MAN2B1: variants seen among roughly 807,000 people sequenced by gnomAD.
MAN2B1 encodes the protein mannosidase alpha class 2B member 1.
Under a neutral mutation model 127.5 loss-of-function variants are expected in MAN2B1, and 99 were observed. That is an observed-to-expected ratio of 0.78 (90% confidence interval 0.66 to 0.92). The LOEUF (loss-of-function observed/expected upper bound fraction) is 0.92, where lower values mean the gene tolerates loss of function less well. Among genes scored for constraint, MAN2B1 ranks in the 40% least tolerant of loss-of-function variants. MAN2B1 has a pLI of 0.00. For synonymous variants in MAN2B1, 573 were observed against 568.8 expected, an observed-to-expected ratio of 1.01 and a Z score of -0.11; for missense variants, 1,304 against 1,384.8, an observed-to-expected ratio of 0.94 and a Z score of 0.93.
chr19:12,658,542 G>C, intron 7 of MAN2B1, 32 bp from the exon 8 acceptor site: 1 of 1,604,260 alleles, frequency 6.2e-7, no homozygotes, highest in South Asian at 1.1e-5. Context: ...TGAGCCCTCG[G>C]GAGTCCGCAC....
chr19:12,646,962 GGGGTGATGAACACCC>G, intron 23 of MAN2B1: 1 of 608,328 alleles, frequency 1.6e-6, no homozygotes, highest in Non-Finnish European at 2.9e-6. Flanking sequence ...TCTGACCCCA[GGGGTGATGAACACCC>G]TCCCAGAACT....
chr19:12,666,528 G>A lies in MAN2B1; in HGVS notation c.159+15C>T, dbSNP rs566176179. The A allele has an allele frequency of 1.1e-5, 18 of 1,575,286 alleles. No individual in the cohort carries two copies. In the African/African-American group the frequency reaches 1.6e-4, roughly 14 times the overall value. ...CTCTGCCTCCTGTACGTTTCAGCTC[G>A]GAGGCCCCACTCACCTCGTATCCCC... On this transcript the variant is annotated intron_variant, in intron 1 of 23. Coordinates refer to ENST00000456935, the MANE Select transcript of MAN2B1 (RefSeq NM_000528.4).
intron 4 of MAN2B1, among the ~76,000 whole-genome samples, chr19:12,664,443 G>A (rs2024178868): frequency 6.6e-6 from 1 of 152,190 alleles, no homozygotes; most frequent in Non-Finnish European, 1.5e-5. Flanking sequence ...GATGGGGTCT[G>A]AGCACAGGTA....
Position 12,658,239 on chromosome 19 carries a change from G to A in MAN2B1, c.1215C>T (p.Ser405=). The A allele has an allele frequency of 1.9e-6, 3 of 1,614,118 alleles. No homozygotes were observed. In the South Asian group the frequency reaches 3.3e-5, roughly 18 times the overall value. ...TCCTACCCACCTGCAGGAAGTTGTA[G>A]CTGAGGCGCTCGTAGCGTTTGAGGG... ...RPALKRYERL[S]YNFLQVCNQL... Residue 405 remains serine, a synonymous_variant, in exon 9 of 24, where the codon AGC becomes AGT. Coordinates refer to ENST00000456935, the MANE Select transcript of MAN2B1 (RefSeq NM_000528.4).
At chr19:12,648,856 G>A (rs866818207) in intron 20 of MAN2B1, among the ~76,000 whole-genome samples, 1 of 152,176 alleles carries the variant, frequency 6.6e-6, no homozygotes, top group Non-Finnish European at 1.5e-5. Context: ...TTAGCCGGGC[G>A]TGATGGTGTG....
chr19:12,665,695 C>A lies in MAN2B1; in HGVS notation c.262+8G>T. Reference sequence around the variant, plus strand: ...GATCCCAGGGACCAGTCCCCATCCTCTACTCACTTCCATAAAAGTACTGGT... The same window carrying A: ...GATCCCAGGGACCAGTCCCCATCCTATACTCACTTCCATAAAAGTACTGGT... On this transcript the variant is annotated splice_region_variant and intron_variant, in intron 2 of 23. Coordinates refer to ENST00000456935, the MANE Select transcript of MAN2B1 (RefSeq NM_000528.4). 6.2e-7 allele frequency: 1 copy of A among 1,613,198 alleles called. No homozygotes were observed. Among genetic ancestry groups the A allele is most frequent in the Non-Finnish European group, 8.5e-7 (1 of 1,179,112 alleles).
intron 13 of MAN2B1, chr19:12,656,229 C>A: frequency 2.3e-6 from 1 of 426,836 alleles, no homozygotes; most frequent in Non-Finnish European, 4.3e-6. Context: ...CCTGGGGAAG[C>A]GGGGTATTAA....
rs1184948246 is a variant in MAN2B1 at position 12,665,687 on chromosome 19, C to T, written c.262+16G>A. The T allele has an allele frequency of 6.2e-7, 1 of 1,611,770 alleles. No homozygotes were observed. The highest frequency in any genetic ancestry group is 8.5e-7 in the Non-Finnish European group (1 of 1,177,850). ...ACCATGGGGATCCCAGGGACCAGTC[C>T]CCATCCTCTACTCACTTCCATAAAA... On this transcript the variant is annotated intron_variant, in intron 2 of 23. Coordinates refer to ENST00000456935, the MANE Select transcript of MAN2B1 (RefSeq NM_000528.4).
At position 12,658,267 on chromosome 19, in the gene MAN2B1, G is replaced by A. The variant is rs770642566; in HGVS notation, c.1187C>T (p.Pro396Leu). 4.3e-6 allele frequency: 7 copies of A among 1,614,160 alleles called. No individual in the cohort carries two copies. Among genetic ancestry groups the A allele is most frequent in the East Asian group, 4.5e-5 (2 of 44,884 alleles). ...QFWTGYFSSR[P>L]ALKRYERLSY... Reference sequence around the variant, plus strand: ...GAGGCGCTCGTAGCGTTTGAGGGCCGGCCGACTGGAAAAGTAACCGGTCCA... The same window carrying A: ...GAGGCGCTCGTAGCGTTTGAGGGCCAGCCGACTGGAAAAGTAACCGGTCCA... The change falls in exon 9 of 24, where the codon CCG becomes CTG. Residue 396 changes from proline to leucine, a missense_variant. Transcript: ENST00000456935.
rs202245970 is a variant in MAN2B1, at chr19:12,665,357, C to T, written c.431G>A (p.Arg144His). 4.4e-6 allele frequency: 7 copies of T among 1,605,416 alleles called. No homozygotes were observed. Among genetic ancestry groups the T allele is most frequent in the South Asian group, 2.2e-5 (2 of 91,080 alleles). ...CTTCCTTGGGGTAGGCTCACCCTGG[C>T]GCACAAGGTCTCGCACGACTTCCTG... The part of the protein sequence containing the change: ...ATQEVVRDLV[R>H]QGRLEFANGG... Residue 144 changes from arginine (R) to histidine (H), a missense_variant, in exon 3 of 24, where the codon CGC becomes CAC. Physicochemically the swap from Arg to His is conservative, Grantham distance 29. Coordinates refer to ENST00000456935, the MANE Select transcript of MAN2B1 (RefSeq NM_000528.4).
chr19:12,649,338 T>TAC lies in MAN2B1; in HGVS notation c.2355+1_2355+2dup. The TAC allele has an allele frequency of 6.2e-7, 1 of 1,612,376 alleles. No individual in the cohort carries two copies. Among genetic ancestry groups the TAC allele is most frequent in the Non-Finnish European group, 8.5e-7 (1 of 1,178,646 alleles). Reference sequence around the variant, plus strand: ...GGGGAGGTGCAGGATGGGGGAGAGCTACCGTGATGTAAATCCGGGTGTTGA... The same window carrying TAC: ...GGGGAGGTGCAGGATGGGGGAGAGCTACACCGTGATGTAAATCCGGGTGTTGA... On this transcript the variant is annotated splice_region_variant and intron_variant, in intron 19 of 23. Transcript: ENST00000456935.
At chr19:12,664,047 C>T (rs117170806) in intron 4 of MAN2B1, among the ~76,000 whole-genome samples, 1 of 152,218 alleles carries the variant, frequency 6.6e-6, no homozygotes, top group Non-Finnish European at 1.5e-5. Flanking sequence ...CTGCACAACA[C>T]GGGCAGACTG....
At chr19:12,650,973 C>CTTTTT (rs60721799) in intron 16 of MAN2B1, among the ~76,000 whole-genome samples, 7 of 130,282 alleles carry the variant, frequency 5.4e-5, no homozygotes, top group African/African-American at 1.5e-4. Flanking sequence ...CACCCGGCCT[C>CTTTTT]TTTTTTTTTT....
chr19:12,656,898 C>A, intron 12 of MAN2B1, 51 bp downstream of exon 12: 1 of 1,416,806 alleles, frequency 7.1e-7, no homozygotes, highest in Non-Finnish European at 9.9e-7. Flanking sequence ...TTTCCAACTA[C>A]CCCCTCTAAA....
chr19:12,652,605 C>A, intron 14 of MAN2B1, 145 bp from the exon 15 acceptor site: 1 of 666,762 alleles, frequency 1.5e-6, no homozygotes. Flanking sequence ...AATCTTGGCT[C>A]ACTGCACCCC....
Position 12,648,333 on chromosome 19 carries a change from C to G in MAN2B1, c.2506G>C (p.Ala836Pro), listed in dbSNP as rs140281123. 2.3e-4 allele frequency: 375 copies of G among 1,613,598 alleles called. 1 individual carries two copies. The highest frequency in any genetic ancestry group is 3.0e-4 in the Non-Finnish European group (355 of 1,179,936). Residue 836 changes from alanine to proline, a missense_variant, in exon 21 of 24, where the codon GCG becomes CCG. By Grantham distance (27) the Ala-to-Pro change is conservative. Coordinates refer to ENST00000456935, the MANE Select transcript of MAN2B1 (RefSeq NM_000528.4). ...ACCAGGTGGCGCCCTCGCACCCACG[C>G]CCCCGACCCGTTCTCCATTAGTGGC... The part of the protein sequence containing the change: ...SEPLMENGSG[A>P]WVRGRHLVLL...
chr19:12,665,480 G>T lies in MAN2B1; in HGVS notation c.308C>A (p.Ser103Ter). The change falls in exon 3 of 24, where the codon TCG becomes TAG. Residue 103 changes from serine to a stop codon, truncating the protein, a stop_gained. Transcript: ENST00000456935. LOFTEE classifies it high-confidence loss of function. ...ATCTGCCAGCAAGGCAGAGATGACC[G>T]AGTCCAGGATGTACTGCACACCGGC... ...QHAGVQYILD[S>*]VISALLADPT... 6.2e-7 allele frequency: 1 copy of T among 1,614,168 alleles called. No homozygotes were observed. Among genetic ancestry groups the T allele is most frequent in the Non-Finnish European group, 8.5e-7 (1 of 1,180,034 alleles).
intron 20 of MAN2B1, 43 bp from the exon 21 acceptor site, chr19:12,648,445 G>C (rs747937275): frequency 6.7e-7 from 1 of 1,484,522 alleles, no homozygotes; most frequent in South Asian, 1.1e-5. Context: ...TCGTGGGTTT[G>C]TGGGTGTCCT....
intron 5 of MAN2B1, 46 bp downstream of exon 5, chr19:12,663,657 G>A: frequency 6.3e-7 from 1 of 1,579,492 alleles, no homozygotes; most frequent in Non-Finnish European, 8.6e-7. Context: ...GGGCCCTTCT[G>A]AGTGTGTGGC....
Sources: allele counts gnomAD v4.1 joint callset (sites outside exome capture counted in the v4.1 genomes callset), GRCh38; gene constraint gnomAD v4.1.1; transcripts MANE v1.5; gene names NCBI Gene and HGNC (gene_info 2026-07-23, HGNC 2026-07-21).